Variants in KLF12 observed in about 807,000 individuals in gnomAD.
KLF12 encodes the protein KLF transcription factor 12.
A neutral mutation model predicts 37.8 loss-of-function variants in KLF12; 9 were observed. The observed-to-expected ratio is 0.24, with a 90% confidence interval of 0.14 to 0.42. The LOEUF (loss-of-function observed/expected upper bound fraction) is 0.42. KLF12 is among the 10% of genes least tolerant of loss of function. KLF12 has a pLI of 1.00. For missense variants in KLF12, 411 were observed against 516.0 expected, an observed-to-expected ratio of 0.80 and a Z score of 1.97; for synonymous variants, 208 against 202.1, an observed-to-expected ratio of 1.03 and a Z score of -0.25.
chr13:74,305,618 A>G, the KLF12 span, among the ~76,000 whole-genome samples: 8 of 152,180 alleles, frequency 5.3e-5, no homozygotes, highest in African/African-American at 1.9e-4. Flanking sequence ...TCACTTAATG[A>G]TATCAGTAAA....
chr13:73,944,452 A>AAATT (rs1890331304), intron 2 of KLF12, among the ~76,000 whole-genome samples: 1 of 152,246 alleles, frequency 6.6e-6, no homozygotes, highest in African/African-American at 2.4e-5. Context: ...TTGTGCAAAG[A>AAATT]TATCCATAAA....
chr13:73,938,856 A>G (rs139821979), intron 3 of KLF12, among the ~76,000 whole-genome samples: 2 of 152,136 alleles, frequency 1.3e-5, no homozygotes, highest in Admixed American at 1.3e-4. Context: ...TAAGGCATGG[A>G]GTATTGACGT....
chr13:73,781,400 T>C (rs1566363878), intron 5 of KLF12, among the ~76,000 whole-genome samples: 1 of 152,224 alleles, frequency 6.6e-6, no homozygotes, highest in African/African-American at 2.4e-5. Flanking sequence ...ATTTATTTTT[T>C]TGTAACTTTT....
At chr13:74,102,308 C>T (rs1291926578) in intron 1 of KLF12, among the ~76,000 whole-genome samples, 3 of 151,812 alleles carry the variant, frequency 2.0e-5, no homozygotes, top group Non-Finnish European at 4.4e-5. Context: ...ACACTAAGTG[C>T]TTAACTCCTG....
chr13:73,791,391 C>T (rs1195226231), intron 5 of KLF12, among the ~76,000 whole-genome samples: 1 of 152,142 alleles, frequency 6.6e-6, no homozygotes, highest in Non-Finnish European at 1.5e-5. Flanking sequence ...TTTAAACTGT[C>T]ATTCTTTTTT....
chr13:73,774,233 A>C (rs569411997), intron 5 of KLF12, among the ~76,000 whole-genome samples: 2 of 151,832 alleles, frequency 1.3e-5, no homozygotes, highest in Non-Finnish European at 1.5e-5. Flanking sequence ...AAAAATAAGT[A>C]AGTCAATATA....
intron 3 of KLF12, among the ~76,000 whole-genome samples, chr13:73,924,981 A>T (rs1320046996): frequency 6.6e-6 from 1 of 152,200 alleles, no homozygotes; most frequent in Non-Finnish European, 1.5e-5. Context: ...TATGAGGCTG[A>T]GAGAGATGAT....
At chr13:73,698,279 G>A (rs1384590300) in intron 7 of KLF12, among the ~76,000 whole-genome samples, 2 of 152,116 alleles carry the variant, frequency 1.3e-5, no homozygotes, top group East Asian at 3.9e-4. Flanking sequence ...GATAGTGAAG[G>A]AAGGGGTTCC....
the KLF12 span, among the ~76,000 whole-genome samples, chr13:74,158,084 T>A: frequency 6.6e-6 from 1 of 152,094 alleles, no homozygotes; most frequent in South Asian, 2.1e-4. Flanking sequence ...TGGAAATAAG[T>A]GGGGTGTAGA....
At chr13:74,168,039 G>A in the KLF12 span, among the ~76,000 whole-genome samples, 1 of 152,186 alleles carries the variant, frequency 6.6e-6, no homozygotes, top group Non-Finnish European at 1.5e-5. Flanking sequence ...TCCAAAATTA[G>A]TTGGAGGGAT....
At chr13:73,939,207 A>T (rs1483098038) in intron 3 of KLF12, among the ~76,000 whole-genome samples, 1 of 152,210 alleles carries the variant, frequency 6.6e-6, no homozygotes, top group Non-Finnish European at 1.5e-5. Flanking sequence ...TTAGGAAATA[A>T]ACAGTGAGGG....
intron 3 of KLF12, among the ~76,000 whole-genome samples, chr13:73,895,235 T>C: frequency 6.6e-6 from 1 of 152,236 alleles, no homozygotes; most frequent in East Asian, 1.9e-4. Context: ...GCTGAGGTTA[T>C]TGTCTAACTT....
chr13:73,847,841 C>T (rs1469043933), intron 3 of KLF12, among the ~76,000 whole-genome samples: 1 of 152,024 alleles, frequency 6.6e-6, no homozygotes, highest in African/African-American at 2.4e-5. Flanking sequence ...AAACAAACAC[C>T]ATAAATTGAA....
At chr13:73,797,545 G>A (rs1484199193) in intron 5 of KLF12, among the ~76,000 whole-genome samples, 2 of 152,210 alleles carry the variant, frequency 1.3e-5, no homozygotes, top group East Asian at 3.9e-4. Context: ...TGAGACAGGA[G>A]AATCACTTGA....
chr13:73,805,185 T>G (rs1400916415), intron 5 of KLF12, among the ~76,000 whole-genome samples: 1 of 152,244 alleles, frequency 6.6e-6, no homozygotes, highest in East Asian at 1.9e-4. Flanking sequence ...TCTACTATTT[T>G]ACATCTTATT....
the KLF12 span, among the ~76,000 whole-genome samples, chr13:74,223,688 C>T: frequency 6.6e-6 from 1 of 152,150 alleles, no homozygotes; most frequent in East Asian, 1.9e-4. Context: ...CAAGGCTGAA[C>T]TGCATCAATA....
intron 5 of KLF12, among the ~76,000 whole-genome samples, chr13:73,807,875 C>T (rs1449179011): frequency 1.3e-5 from 2 of 152,174 alleles, no homozygotes; most frequent in African/African-American, 4.8e-5. Context: ...AGAAATTCCT[C>T]CAGGGAGTGC....
chr13:73,813,636 C>T (rs1235989046), intron 4 of KLF12, among the ~76,000 whole-genome samples: 1 of 152,192 alleles, frequency 6.6e-6, no homozygotes, highest in South Asian at 2.1e-4. Flanking sequence ...CTTGCTTCTG[C>T]TGCCAGAGCT....
intron 5 of KLF12, among the ~76,000 whole-genome samples, chr13:73,778,345 A>C (rs1333196296): frequency 6.6e-6 from 1 of 151,794 alleles, no homozygotes; most frequent in Non-Finnish European, 1.5e-5. Context: ...CTGTGCTAAG[A>C]GTTTCTTTTT....
Sources: gnomAD v4.1 joint callset for allele counts (sites outside exome capture counted in the v4.1 genomes callset) on GRCh38, gnomAD v4.1.1 for gene constraint, MANE v1.5 for transcripts, NCBI Gene and HGNC (gene_info 2026-07-23, HGNC 2026-07-21) for gene names.